Variants in MRTFA observed in about 807,000 individuals in gnomAD.
MRTFA encodes the protein myocardin related transcription factor A.
A neutral mutation model predicts 83.5 loss-of-function variants in MRTFA; 20 were observed. That is an observed-to-expected ratio of 0.24 (90% confidence interval 0.17 to 0.35). The LOEUF (loss-of-function observed/expected upper bound fraction) is 0.35, where lower values mean the gene tolerates loss of function less well. Ranked by LOEUF, MRTFA falls within the 10% of genes least tolerant of loss-of-function variation. MRTFA has a pLI of 1.00. For synonymous variants in MRTFA, 659 were observed against 541.2 expected, an observed-to-expected ratio of 1.22 and a Z score of -3.02; for missense variants, 1,200 against 1,224.7, an observed-to-expected ratio of 0.98 and a Z score of 0.30.
intron 4 of MRTFA, among the ~76,000 whole-genome samples, chr22:40,450,273 C>G (rs950394263): frequency 3.9e-5 from 6 of 152,046 alleles, no homozygotes; most frequent in African/African-American, 1.4e-4. Flanking sequence ...AAATCAAGAA[C>G]CTCTGATGTA....
At chr22:40,472,471 A>T (rs969400549) in intron 3 of MRTFA, among the ~76,000 whole-genome samples, 3 of 152,192 alleles carry the variant, frequency 2.0e-5, no homozygotes, top group Non-Finnish European at 4.4e-5. Context: ...TTGAACAATG[A>T]TTCAGTTTTT....
At chr22:40,428,059 T>C (rs73887816) in intron 7 of MRTFA, among the ~76,000 whole-genome samples, 3,038 of 152,298 alleles carry the variant, frequency 0.02, 92 homozygotes, top group African/African-American at 0.068. Context: ...TGACTGTTCC[T>C]CTGCATCCTT....
intron 1 of MRTFA, among the ~76,000 whole-genome samples, chr22:40,605,152 T>C (rs547762419): frequency 6.6e-6 from 1 of 152,200 alleles, no homozygotes. Context: ...AAACCATCAC[T>C]CATTCAACAA....
chr22:40,428,235 G>A (rs1285079659), intron 7 of MRTFA, among the ~76,000 whole-genome samples: 1 of 152,164 alleles, frequency 6.6e-6, no homozygotes, highest in Non-Finnish European at 1.5e-5. Flanking sequence ...GGGAAGTGGG[G>A]CTAAGTCTTG....
chr22:40,610,932 C>CTTTTT (rs746175814), intron 1 of MRTFA, among the ~76,000 whole-genome samples: 4 of 108,336 alleles, frequency 3.7e-5, no homozygotes, highest in African/African-American at 6.9e-5. Flanking sequence ...TTTTCTTTTA[C>CTTTTT]TTTTTTTTTT....
chr22:40,500,086 C>T (rs1381608398), intron 3 of MRTFA, among the ~76,000 whole-genome samples: 1 of 151,716 alleles, frequency 6.6e-6, no homozygotes, highest in Non-Finnish European at 1.5e-5. Flanking sequence ...CTCACCACTA[C>T]ACCCAGCTAA....
intron 3 of MRTFA, among the ~76,000 whole-genome samples, chr22:40,547,672 T>C (rs1233872700): frequency 6.6e-6 from 1 of 151,800 alleles, no homozygotes. Context: ...GCCAATATGG[T>C]GAAACCCCAT....
intron 3 of MRTFA, among the ~76,000 whole-genome samples, chr22:40,471,046 A>G (rs2053902001): frequency 6.6e-6 from 1 of 151,884 alleles, no homozygotes; most frequent in South Asian, 2.1e-4. Context: ...ACCTTTACCT[A>G]GACTGCCAAG....
At chr22:40,513,945 A>ATT (rs554033200) in intron 3 of MRTFA, among the ~76,000 whole-genome samples, 2 of 146,738 alleles carry the variant, frequency 1.4e-5, no homozygotes, top group Non-Finnish European at 3.0e-5. Flanking sequence ...TAAAGTAATA[A>ATT]TTTTTTTTTT....
chr22:40,634,983 T>C lies in MRTFA; in HGVS notation c.-84+1495A>G, dbSNP rs147607253. ...CTTCTTAAAAACGGGCTCTTCTTAA[T>C]AGTTATTGGCCAAAAACTGAAACAA... On this transcript the variant is annotated intron_variant, in intron 1 of 14. Transcript: ENST00000355630. 4.5e-3 allele frequency among the ~76,000 whole-genome samples: 688 copies of C among 152,336 alleles called. 10 individuals carry two copies. The highest frequency in any genetic ancestry group is 0.016 in the African/African-American group (647 of 41,576).
intron 3 of MRTFA, among the ~76,000 whole-genome samples, chr22:40,535,493 C>T (rs1004473484): frequency 6.6e-6 from 1 of 151,732 alleles, no homozygotes; most frequent in Non-Finnish European, 1.5e-5. Context: ...GCTGGGACTA[C>T]AGGCATATGC....
chr22:40,470,275 A>ATATATATATATG (rs1569283500), intron 3 of MRTFA, among the ~76,000 whole-genome samples: 1 of 120,394 alleles, frequency 8.3e-6, no homozygotes, highest in African/African-American at 3.2e-5. Flanking sequence ...ATATATATAT[A>ATATATATATATG]TATATAAAGA....
intron 3 of MRTFA, among the ~76,000 whole-genome samples, chr22:40,483,097 T>C (rs890783493): frequency 3.3e-5 from 5 of 152,166 alleles, no homozygotes; most frequent in Admixed American, 3.3e-4. Context: ...CTCACTCTCT[T>C]GCCGAGGCTG....
At chr22:40,420,293 A>G in intron 11 of MRTFA, 112 bp downstream of exon 11, 3 of 1,272,360 alleles carry the variant, frequency 2.4e-6, no homozygotes, top group South Asian at 1.4e-5. Flanking sequence ...TCTGCTTTCC[A>G]TGACGGTGGG....
intron 4 of MRTFA, among the ~76,000 whole-genome samples, chr22:40,449,618 G>T (rs1280609029): frequency 2.6e-5 from 4 of 152,224 alleles, no homozygotes. Context: ...AGGCAAAGAA[G>T]AGGTGAGAAA....
chr22:40,574,425 G>GTTATTA (rs1184148170), intron 2 of MRTFA, among the ~76,000 whole-genome samples: 7 of 150,862 alleles, frequency 4.6e-5, no homozygotes, highest in South Asian at 2.1e-4. Flanking sequence ...CACTGCATTA[G>GTTATTA]TTATTATTAT....
intron 3 of MRTFA, among the ~76,000 whole-genome samples, chr22:40,502,080 G>T (rs2054493829): frequency 7.4e-6 from 1 of 135,264 alleles, no homozygotes; most frequent in African/African-American, 2.8e-5. Flanking sequence ...GGGCTGAGGG[G>T]CTCCTCACTT....
chr22:40,627,824 T>G (rs2056598707), intron 1 of MRTFA, among the ~76,000 whole-genome samples: 1 of 152,114 alleles, frequency 6.6e-6, no homozygotes. Context: ...ACAAAAAAAT[T>G]TAGCCGGGCA....
At chr22:40,592,142 T>C (rs891034183) in intron 2 of MRTFA, among the ~76,000 whole-genome samples, 1 of 151,700 alleles carries the variant, frequency 6.6e-6, no homozygotes, top group Non-Finnish European at 1.5e-5. Context: ...TAAAAGAATG[T>C]GTGGGCCAGG....
Sources: allele counts gnomAD v4.1 joint callset (sites outside exome capture counted in the v4.1 genomes callset), GRCh38; gene constraint gnomAD v4.1.1; transcripts MANE v1.5; gene names NCBI Gene and HGNC (gene_info 2026-07-23, HGNC 2026-07-21).